Variants in MAEA observed in about 807,000 individuals in gnomAD.
MAEA encodes macrophage erythroblast attacher, E3 ubiquitin ligase.
A neutral mutation model predicts 46.2 loss-of-function variants in MAEA; 22 were observed. That is an observed-to-expected ratio of 0.48 (90% CI 0.34 to 0.68). The LOEUF (loss-of-function observed/expected upper bound fraction) is 0.68, where lower values mean the gene tolerates loss of function less well. Among genes scored for constraint, MAEA ranks in the 30% least tolerant of loss-of-function variants. The pLI, the probability that MAEA is intolerant of heterozygous loss-of-function variation, is 0.01. For synonymous variants in MAEA, 246 were observed against 222.6 expected, an observed-to-expected ratio of 1.11 and a Z score of -0.94; for missense variants, 393 against 558.1, an observed-to-expected ratio of 0.70 and a Z score of 2.98.
chr4:1,301,259 C>T lies in MAEA; in HGVS notation c.70-10720C>T, dbSNP rs1282163560. The stretch of plus-strand genomic sequence containing the variant: ...AAGCGCATCCTGAAGCTGATGGCAC[C>T]GTGTGGGGGCAGCGGGCGGGCAGGT... On this transcript the variant is annotated intron_variant, in intron 1 of 8. Coordinates refer to ENST00000303400, the MANE Select transcript of MAEA (RefSeq NM_001017405.3). Among the ~76,000 whole-genome samples, 13 of 152,190 alleles carry T rather than the reference C, an allele frequency of 8.5e-5. 1 individual carries two copies. Among genetic ancestry groups the T allele is most frequent in the African/African-American group, 1.9e-4 (8 of 41,450 alleles).
chr4:1,298,432 G>A (rs1299481465), intron 1 of MAEA, among the ~76,000 whole-genome samples: 4 of 152,220 alleles, frequency 2.6e-5, no homozygotes, highest in Non-Finnish European at 4.4e-5. Context: ...AGGCACACGC[G>A]CCGTCTTCTG....
intron 3 of MAEA, among the ~76,000 whole-genome samples, chr4:1,321,744 C>G (rs1453376740): frequency 1.3e-5 from 2 of 152,152 alleles, no homozygotes; most frequent in Non-Finnish European, 2.9e-5. Flanking sequence ...GGTGGAGTCC[C>G]GTACCAGCTG....
chr4:1,338,798 G>A, intron 8 of MAEA, 181 bp downstream of exon 8: 1 of 726,646 alleles, frequency 1.4e-6, no homozygotes, highest in South Asian at 1.9e-5. Context: ...GGCTGTGTGG[G>A]GCGGGCAGGG....
chr4:1,339,215 C>G lies in MAEA; in HGVS notation c.*46C>G. On this transcript the variant is annotated 3_prime_UTR_variant, in exon 9 of 9. Transcript: ENST00000303400. ...CGCCTCGGGGACGGGCTGCAGTGGG[C>G]GGGGAGGCCACGCCTTCCTCCTGTC... 6.9e-7 allele frequency: 1 copy of G among 1,459,806 alleles called. No homozygotes were observed. The highest frequency in any genetic ancestry group is 9.6e-7 in the Non-Finnish European group (1 of 1,040,142). 90.4% of individuals were successfully genotyped at this position (1,459,806 alleles called of 1,614,324 possible). A position where few individuals can be genotyped will look rare whatever the true frequency, so the allele number is the denominator to read the frequency against.
chr4:1,309,457 G>C (rs1352928250), intron 1 of MAEA: 2 of 1,315,580 alleles, frequency 1.5e-6, no homozygotes, highest in Non-Finnish European at 9.7e-7. Context: ...TGGCTCCTCT[G>C]GGGGGCGTGG....
rs1358248763 is a variant in MAEA at position 1,315,449 on chromosome 4, G to A, written c.305G>A (p.Arg102Gln). ...GAGAGCGCCAAGCTGTGCAAGCGCCGGATCGAGCACCTCAAAGAGCATAGC... is the reference window on the plus strand; with the variant it reads ...GAGAGCGCCAAGCTGTGCAAGCGCCAGATCGAGCACCTCAAAGAGCATAGC... ...EDESAKLCKR[R>Q]IEHLKEHSSD... The change falls in exon 3 of 9, where the codon CGG becomes CAG. Residue 102 changes from arginine (R) to glutamine (Q), a missense_variant. Coordinates refer to ENST00000303400, the MANE Select transcript of MAEA (RefSeq NM_001017405.3). The A allele has an allele frequency of 2.5e-6, 4 of 1,613,770 alleles. No individual in the cohort carries two copies. The highest frequency in any genetic ancestry group is 3.4e-6 in the Non-Finnish European group (4 of 1,180,028).
At chr4:1,291,882 T>G (rs1195627226) in intron 1 of MAEA, among the ~76,000 whole-genome samples, 1 of 152,256 alleles carries the variant, frequency 6.6e-6, no homozygotes, top group Non-Finnish European at 1.5e-5. Flanking sequence ...AGTGTCATAA[T>G]TTCTCTGTTG....
chr4:1,331,699 G>C (rs766714915), intron 5 of MAEA: 9 of 152,110 alleles, frequency 5.9e-5, no homozygotes, highest in Non-Finnish European at 8.8e-5. Flanking sequence ...ACAGGGGCCC[G>C]TGTGAGGGTC....
In MAEA at chr4:1,311,893, T is replaced by C. The variant is rs1371451635; in HGVS notation, c.70-86T>C. On this transcript the variant is annotated intron_variant, in intron 1 of 8. Coordinates refer to ENST00000303400, the MANE Select transcript of MAEA (RefSeq NM_001017405.3). This position sits in a 1 kb window ranked among gnomAD's most constrained non-coding sequence, Gnocchi z 4.4. The stretch of plus-strand genomic sequence containing the variant: ...GAGACTTCTGCCTCTACAAGTGCCA[T>C]GAGGAGACCTGGTGTGTCCTGGGTG... 19 of 1,214,018 alleles carry C rather than the reference T, an allele frequency of 1.6e-5. No homozygotes were observed. The highest frequency in any genetic ancestry group is 2.1e-5 in the Admixed American group (1 of 46,746). The allele number at this position is 1,214,018 out of a possible 1,614,324, so 75.2% of individuals were successfully genotyped here. A position where few individuals can be genotyped will look rare whatever the true frequency, so the allele number is the denominator to read the frequency against.
intron 3 of MAEA, among the ~76,000 whole-genome samples, chr4:1,322,030 G>C (rs761766221): frequency 6.6e-6 from 1 of 152,224 alleles, no homozygotes; most frequent in African/African-American, 2.4e-5. Flanking sequence ...GATGTGCTGG[G>C]GGGCTGTGGG....
intron 1 of MAEA, among the ~76,000 whole-genome samples, chr4:1,297,200 C>T (rs1362928211): frequency 1.3e-5 from 2 of 152,272 alleles, no homozygotes; most frequent in Non-Finnish European, 2.9e-5. Flanking sequence ...TCCCCCGGCA[C>T]TTGTTCAGTG....
At position 1,298,948 on chromosome 4, in the gene MAEA, C is replaced by G. The variant is rs376238216; in HGVS notation, c.69+8966C>G. 9.9e-4 allele frequency among the ~76,000 whole-genome samples: 151 copies of G among 152,196 alleles called. 3 individuals carry two copies. The South Asian group carries it at 0.028, about 28-fold the overall frequency. On this transcript the variant is annotated intron_variant, in intron 1 of 8. Transcript: ENST00000303400. The stretch of plus-strand genomic sequence containing the variant: ...CCAGGCGGGAGTGCAGTGGCATGAT[C>G]ACAGCTCACTTCAGCCTTGACCTCC...
intron 1 of MAEA, among the ~76,000 whole-genome samples, chr4:1,308,849 C>T (rs969173015): frequency 1.3e-5 from 2 of 152,172 alleles, no homozygotes; most frequent in African/African-American, 2.4e-5. Flanking sequence ...GCTATTTTTT[C>T]CCATTTTTTA....
intron 3 of MAEA, 63 bp from the exon 4 acceptor site, chr4:1,322,318 G>T (rs1465142351): frequency 1.3e-5 from 21 of 1,594,778 alleles, no homozygotes; most frequent in Non-Finnish European, 1.8e-5. Context: ...CTGGGGTGTG[G>T]GAGGGTGGCA....
chr4:1,328,982 C>T (rs576500700), intron 5 of MAEA: 24 of 991,474 alleles, frequency 2.4e-5, no homozygotes, highest in Middle Eastern at 5.1e-4. Flanking sequence ...GAGGGGCTCC[C>T]GCTCTGCTCT....
chr4:1,329,288 G>A (rs1577223588), intron 5 of MAEA: 14 of 982,794 alleles, frequency 1.4e-5, no homozygotes, highest in Non-Finnish European at 1.7e-5. Flanking sequence ...CTCCGCGTAG[G>A]GTCTCTTTGC....
At chr4:1,328,770 C>A in intron 5 of MAEA, 1 of 1,136,990 alleles carries the variant, frequency 8.8e-7, no homozygotes, top group South Asian at 1.7e-5. Flanking sequence ...CCTGGAGAGG[C>A]CCGGGGTCCT....
chr4:1,309,677 G>T lies in MAEA; in HGVS notation c.70-2302G>T, dbSNP rs1345736245. 3 of 1,531,792 alleles carry T rather than the reference G, an allele frequency of 2.0e-6. No homozygotes were observed. In the Admixed American group the frequency reaches 5.9e-5, roughly 30 times the overall value. The allele number at this position is 1,531,792 out of a possible 1,614,324, so 94.9% of individuals were successfully genotyped here. ...GACCCTGAGAGCCACTGGCAGGGAG[G>T]TGGGGTCTTCCAGTTGTGAAGACAC... On this transcript the variant is annotated intron_variant, in intron 1 of 8. Transcript: ENST00000303400.
intron 8 of MAEA, 161 bp from the exon 9 acceptor site, chr4:1,338,913 C>G: frequency 2.9e-6 from 2 of 689,302 alleles, no homozygotes; most frequent in Non-Finnish European, 5.1e-6. Context: ...GAAGGACAGG[C>G]GAGGTGGCCC....
Sources: gnomAD v4.1 joint callset for allele counts (sites outside exome capture counted in the v4.1 genomes callset) on GRCh38, gnomAD v4.1.1 for gene constraint, Gnocchi (gnomAD v3.1) non-coding constraint, MANE v1.5 for transcripts, NCBI Gene and HGNC (gene_info 2026-07-23, HGNC 2026-07-21) for gene names.